TENM3: variants seen among roughly 807,000 people sequenced by gnomAD.
TENM3 encodes the protein teneurin-3.
A neutral mutation model predicts 255.1 loss-of-function variants in TENM3; 63 were observed. The ratio of observed to expected loss-of-function variants is 0.25; its 90% CI spans 0.20 to 0.30. TENM3 has a LOEUF of 0.30. TENM3 is among the 10% of genes least tolerant of loss of function. TENM3 has a pLI of 1.00. For synonymous variants in TENM3, 1,306 were observed against 1,322.3 expected, an observed-to-expected ratio of 0.99 and a Z score of 0.27; for missense variants, 2,929 against 3,461.1, an observed-to-expected ratio of 0.85 and a Z score of 3.86.
intron 12 of TENM3, among the ~76,000 whole-genome samples, chr4:182,699,745 T>A (rs766591222): frequency 6.6e-6 from 1 of 152,192 alleles, no homozygotes; most frequent in Non-Finnish European, 1.5e-5. Context: ...CATATGATAC[T>A]GTTTCATTAC....
chr4:182,159,693 G>T (rs113655599), intron 1 of TENM3, among the ~76,000 whole-genome samples: 2 of 152,112 alleles, frequency 1.3e-5, no homozygotes, highest in African/African-American at 4.8e-5. Flanking sequence ...AGCTCAAGGG[G>T]AACGGGAGCT....
chr4:182,269,136 G>A (rs1262756949), intron 1 of TENM3, among the ~76,000 whole-genome samples: 1 of 152,170 alleles, frequency 6.6e-6, no homozygotes, highest in African/African-American at 2.4e-5. Flanking sequence ...GGACAGTTCG[G>A]AAATGCTAGT....
chr4:182,362,795 A>G (rs899080279), intron 3 of TENM3, among the ~76,000 whole-genome samples: 1 of 152,168 alleles, frequency 6.6e-6, no homozygotes, highest in African/African-American at 2.4e-5. Context: ...GGAAATGCAG[A>G]AATCACCCGT....
chr4:181,902,753 A>G, the TENM3 span, among the ~76,000 whole-genome samples: 1 of 151,522 alleles, frequency 6.6e-6, no homozygotes, highest in African/African-American at 2.4e-5. Flanking sequence ...ATTACATACC[A>G]GGGCCTGTCA....
intron 12 of TENM3, among the ~76,000 whole-genome samples, chr4:182,695,282 A>G (rs1486603895): frequency 6.6e-6 from 1 of 152,118 alleles, no homozygotes. Context: ...GGTGTAGCAT[A>G]AATGTCAGGG....
At chr4:182,120,185 A>T in the TENM3 span, among the ~76,000 whole-genome samples, 1 of 151,906 alleles carries the variant, frequency 6.6e-6, no homozygotes, top group East Asian at 1.9e-4. Context: ...GAACCTTTCT[A>T]TGTTTTGATG....
the TENM3 span, among the ~76,000 whole-genome samples, chr4:181,631,493 T>C: frequency 6.1e-3 from 925 of 152,212 alleles, 11 homozygotes; most frequent in African/African-American, 0.021. Context: ...GGTTTCACCA[T>C]CTTGGCCAGG....
chr4:182,185,101 A>T (rs1344832604), intron 1 of TENM3, among the ~76,000 whole-genome samples: 4 of 151,962 alleles, frequency 2.6e-5, no homozygotes, highest in Non-Finnish European at 5.9e-5. Context: ...AATCTATTTT[A>T]TTCAGACTTT....
chr4:182,418,786 C>A (rs1252919407), intron 3 of TENM3, among the ~76,000 whole-genome samples: 1 of 152,094 alleles, frequency 6.6e-6, no homozygotes, highest in Non-Finnish European at 1.5e-5. Flanking sequence ...TGGTCTTGAA[C>A]CCCTGGGCTC....
chr4:181,803,681 G>C, the TENM3 span, among the ~76,000 whole-genome samples: 1 of 152,218 alleles, frequency 6.6e-6, no homozygotes. Flanking sequence ...AAGATGGCTT[G>C]AGTCTAGGTA....
At chr4:181,923,177 G>A in the TENM3 span, among the ~76,000 whole-genome samples, 13 of 152,120 alleles carry the variant, frequency 8.5e-5, no homozygotes, top group African/African-American at 2.9e-4. Context: ...TTTTGGAATA[G>A]GTGTGGTGCG....
At chr4:181,526,000 G>A in the TENM3 span, among the ~76,000 whole-genome samples, 1 of 152,200 alleles carries the variant, frequency 6.6e-6, no homozygotes, top group African/African-American at 2.4e-5. Flanking sequence ...AGGTTTGAGA[G>A]AAGCACGTTT....
chr4:182,570,923 A>C (rs1744295977), intron 3 of TENM3, among the ~76,000 whole-genome samples: 1 of 152,192 alleles, frequency 6.6e-6, no homozygotes, highest in South Asian at 2.1e-4. Flanking sequence ...ATCCTGGGTC[A>C]CACTGTGAGA....
chr4:181,528,860 G>A, the TENM3 span, among the ~76,000 whole-genome samples: 2 of 151,894 alleles, frequency 1.3e-5, no homozygotes, highest in Non-Finnish European at 2.9e-5. Flanking sequence ...TGGAATGAAG[G>A]GCTGATAACC....
chr4:181,615,229 T>G, the TENM3 span, among the ~76,000 whole-genome samples: 1 of 152,162 alleles, frequency 6.6e-6, no homozygotes, highest in Non-Finnish European at 1.5e-5. Flanking sequence ...AGCTTAATTT[T>G]CTAAATAGCA....
chr4:182,595,300 G>A (rs759326100), intron 3 of TENM3, among the ~76,000 whole-genome samples: 6 of 151,900 alleles, frequency 3.9e-5, no homozygotes, highest in Non-Finnish European at 8.8e-5. Context: ...CTTGGAACTG[G>A]GGGCCGGTAA....
the TENM3 span, among the ~76,000 whole-genome samples, chr4:181,859,812 G>C: frequency 6.6e-6 from 1 of 151,770 alleles, no homozygotes; most frequent in African/African-American, 2.4e-5. Context: ...TGTGATATCT[G>C]AATAACTTAA....
chr4:181,479,725 T>G, the TENM3 span, among the ~76,000 whole-genome samples: 1 of 152,222 alleles, frequency 6.6e-6, no homozygotes, highest in South Asian at 2.1e-4. Context: ...TTTGAACTGT[T>G]CTCCATGTAT....
chr4:181,602,543 T>G, the TENM3 span, among the ~76,000 whole-genome samples: 1 of 152,196 alleles, frequency 6.6e-6, no homozygotes, highest in African/African-American at 2.4e-5. Context: ...CATCAGAAAT[T>G]GAAATATTCT....
Sources: gnomAD v4.1 joint callset for allele counts (sites outside exome capture counted in the v4.1 genomes callset) on GRCh38, gnomAD v4.1.1 for gene constraint, MANE v1.5 for transcripts, NCBI Gene and HGNC (gene_info 2026-07-23, HGNC 2026-07-21) for gene names.